The following DAB1 variants were observed in gnomAD, a reference collection of about 807,000 sequenced individuals.
DAB1 encodes the protein DAB adaptor protein 1.
DAB1 carries 15 observed loss-of-function variants against 64.6 expected under a neutral mutation model. The observed-to-expected ratio is 0.23, with a 90% CI of 0.16 to 0.36. DAB1 has a LOEUF of 0.36. Among genes scored for constraint, DAB1 ranks in the 10% least tolerant of loss-of-function variants. The pLI is 1.00. For missense variants in DAB1, 596 were observed against 706.7 expected (o/e 0.84, Z 1.78); for synonymous variants, 235 against 251.9 (o/e 0.93, Z 0.64).
chr1:57,831,036 C>A (rs1038392247), intron 1 of DAB1, among the ~76,000 whole-genome samples: 5 of 152,154 alleles, frequency 3.3e-5, no homozygotes, highest in African/African-American at 1.2e-4. Flanking sequence ...GCCTTAGCCT[C>A]CCGAGCAGCT....
chr1:58,462,603 G>A (rs1407469027), intron 3 of DAB1: 1 of 152,094 alleles, frequency 6.6e-6, no homozygotes, highest in Non-Finnish European at 1.5e-5. Context: ...TGGAGTTAAT[G>A]ATGTAAGAAA....
At chr1:58,376,517 A>T (rs1644328182) in intron 3 of DAB1, among the ~76,000 whole-genome samples, 1 of 144,070 alleles carries the variant, frequency 6.9e-6, no homozygotes, top group East Asian at 1.9e-4. Context: ...CCTGAGTTCT[A>T]GTTTGATTGC....
chr1:58,457,419 T>G (rs1311869457), intron 3 of DAB1, among the ~76,000 whole-genome samples: 2 of 152,180 alleles, frequency 1.3e-5, no homozygotes, highest in East Asian at 3.9e-4. Flanking sequence ...ACACAATAGC[T>G]CCAGCTCAGT....
intron 4 of DAB1, among the ~76,000 whole-genome samples, chr1:58,294,016 T>G (rs544676187): frequency 3.9e-5 from 6 of 152,300 alleles, no homozygotes; most frequent in African/African-American, 1.4e-4. Flanking sequence ...TGGTGGTTTA[T>G]TTCCTGTTTC....
rs187193267 is a variant in DAB1, at chr1:57,215,937, G to C, written c.68-70508C>G. Among the ~76,000 whole-genome samples the C allele has an allele frequency of 1.2e-3, 179 of 152,296 alleles. 1 individual carries two copies. Among genetic ancestry groups the C allele is most frequent in the African/African-American group, 4.1e-3 (169 of 41,550 alleles). On this transcript the variant is annotated intron_variant, in intron 2 of 14. Coordinates refer to ENST00000371236, the MANE Select transcript of DAB1 (RefSeq NM_001365792.1). ...AGCATGTGCATAAAGGACTCCGTGG[G>C]AGACCCCACTGGGATCTGAAGAGTA... is the stretch of plus-strand genomic sequence containing the variant.
At chr1:57,927,122 C>G (rs1174655767) in intron 5 of DAB1, among the ~76,000 whole-genome samples, 2 of 152,162 alleles carry the variant, frequency 1.3e-5, no homozygotes, top group Non-Finnish European at 2.9e-5. Context: ...TGATGACCAC[C>G]TTATGACCAC....
At chr1:57,193,629 G>A (rs188733404) in intron 2 of DAB1, among the ~76,000 whole-genome samples, 3 of 152,154 alleles carry the variant, frequency 2.0e-5, no homozygotes, top group Non-Finnish European at 2.9e-5. Flanking sequence ...CTCGTGATCC[G>A]CCTGCGTCGG....
intron 6 of DAB1, among the ~76,000 whole-genome samples, chr1:57,776,135 A>C (rs1649787876): frequency 6.6e-6 from 1 of 151,712 alleles, no homozygotes; most frequent in Non-Finnish European, 1.5e-5. Flanking sequence ...ATAAAGGTTG[A>C]GTATCCCTAA....
intron 7 of DAB1, among the ~76,000 whole-genome samples, chr1:57,618,085 T>C (rs1297196971): frequency 1.3e-5 from 2 of 152,182 alleles, no homozygotes; most frequent in East Asian, 3.8e-4. Context: ...GCACCCTCTC[T>C]GCAGACTCCA....
intron 6 of DAB1, among the ~76,000 whole-genome samples, chr1:57,660,823 A>G (rs776327278): frequency 3.9e-5 from 6 of 152,192 alleles, no homozygotes; most frequent in Non-Finnish European, 8.8e-5. Flanking sequence ...AGGTCATCTC[A>G]GCTTCAGAGC....
intron 5 of DAB1, among the ~76,000 whole-genome samples, chr1:57,889,896 G>GT (rs1644281597): frequency 8.2e-6 from 1 of 122,624 alleles, no homozygotes; most frequent in Admixed American, 8.3e-5. Context: ...GCACAAACTG[G>GT]GGCGGGGGGG....
At chr1:57,884,993 T>C (rs1461232865), upstream of DAB1, among the ~76,000 whole-genome samples, 1 of 152,330 alleles carries the variant, frequency 6.6e-6, no homozygotes, top group East Asian at 1.9e-4. Context: ...CAGTAGCAGA[T>C]GTTGGCACCA....
At chr1:57,505,395 C>A (rs1644332590) in intron 7 of DAB1, among the ~76,000 whole-genome samples, 1 of 152,088 alleles carries the variant, frequency 6.6e-6, no homozygotes, top group African/African-American at 2.4e-5. Context: ...AAGCTCAGAA[C>A]CAGGATACAA....
chr1:57,524,330 G>A (rs1644565687), intron 7 of DAB1, among the ~76,000 whole-genome samples: 1 of 152,150 alleles, frequency 6.6e-6, no homozygotes, highest in African/African-American at 2.4e-5. Context: ...GCATATTACT[G>A]TGAAATTTCA....
At chr1:58,463,862 CTG>C (rs1253724916) in intron 3 of DAB1, among the ~76,000 whole-genome samples, 1 of 152,234 alleles carries the variant, frequency 6.6e-6, no homozygotes, top group Non-Finnish European at 1.5e-5. Flanking sequence ...CTGAGACAGA[CTG>C]TGGGGTTGTC....
Position 57,817,709 on chromosome 1 carries a change from A to G in DAB1, n.551+66290T>C, listed in dbSNP as rs556329213. Among the ~76,000 whole-genome samples, 8 of 152,306 alleles carry G rather than the reference A, an allele frequency of 5.3e-5. No individual in the cohort carries two copies. In the South Asian group the frequency reaches 1.7e-3, roughly 32 times the overall value. ...AGAGCTGCAAAGCGGCCTATTTCCT[A>G]TCCATAATACAGCTGGTATAATGTG... On this transcript the variant is annotated intron_variant and non_coding_transcript_variant, in intron 6 of 20. Transcript: ENST00000485760.
At chr1:57,286,153 T>C (rs1305563799) in intron 2 of DAB1, among the ~76,000 whole-genome samples, 1 of 152,242 alleles carries the variant, frequency 6.6e-6, no homozygotes, top group Non-Finnish European at 1.5e-5. Flanking sequence ...CATTTTGTGA[T>C]GAAATATGCC....
At chr1:57,169,155 T>C (rs753838707) in intron 2 of DAB1, among the ~76,000 whole-genome samples, 9 of 152,158 alleles carry the variant, frequency 5.9e-5, no homozygotes, top group African/African-American at 2.2e-4. Flanking sequence ...GAAACTGATA[T>C]ACAAAACAAC....
At chr1:57,738,407 CAT>C (rs2101785607) in intron 6 of DAB1, among the ~76,000 whole-genome samples, 1 of 152,258 alleles carries the variant, frequency 6.6e-6, no homozygotes, top group African/African-American at 2.4e-5. Context: ...CACTTTGTAA[CAT>C]ATAATTATTA....
Sources: gnomAD v4.1 joint callset for allele counts (sites outside exome capture counted in the v4.1 genomes callset) on GRCh38, gnomAD v4.1.1 for gene constraint, MANE v1.5 for transcripts, NCBI Gene and HGNC (gene_info 2026-07-23, HGNC 2026-07-21) for gene names.